Variants in PDE12 observed in about 807,000 individuals in gnomAD.
PDE12 encodes the protein 2',5'-phosphodiesterase 12.
Under a neutral mutation model 45.4 loss-of-function variants are expected in PDE12, and 26 were observed. The observed-to-expected ratio is 0.57, with a 90% CI of 0.42 to 0.79. PDE12 has a LOEUF of 0.79. PDE12 is among the 30% of genes least tolerant of loss of function. The probability of loss-of-function intolerance (pLI) is 0.00; values close to 1 mark genes in which losing one functional copy is unlikely to be tolerated. For synonymous variants in PDE12, 283 were observed against 323.9 expected, an observed-to-expected ratio of 0.87 and a Z score of 1.36; for missense variants, 668 against 790.0, an observed-to-expected ratio of 0.85 and a Z score of 1.85.
At chr3:57,595,993 A>T in the PDE12 span, among the ~76,000 whole-genome samples, 1 of 151,830 alleles carries the variant, frequency 6.6e-6, no homozygotes, top group East Asian at 1.9e-4. Context: ...CTCCTCCGGT[A>T]GAAAACAAGC....
the PDE12 span, among the ~76,000 whole-genome samples, chr3:57,587,887 A>T: frequency 3.3e-5 from 5 of 152,206 alleles, no homozygotes; most frequent in African/African-American, 1.2e-4. Context: ...CAAAAATAAC[A>T]ATGCTGTATA....
the PDE12 span, among the ~76,000 whole-genome samples, chr3:57,575,002 AC>A: frequency 7.2e-5 from 11 of 152,088 alleles, no homozygotes; most frequent in African/African-American, 2.4e-4. Flanking sequence ...GGCATGCGCA[AC>A]CACACCTGGC....
chr3:57,618,425 T>A, the PDE12 span, among the ~76,000 whole-genome samples: 1 of 152,014 alleles, frequency 6.6e-6, no homozygotes, highest in African/African-American at 2.4e-5. Context: ...CTTTTTTGTT[T>A]GTTTGTTTGT....
At chr3:57,628,756 G>T in the PDE12 span, 1 of 1,551,278 alleles carries the variant, frequency 6.4e-7, no homozygotes, top group Non-Finnish European at 8.8e-7. Flanking sequence ...TCACATGAGA[G>T]GACAATGTCT....
chr3:57,588,988 G>A, the PDE12 span, among the ~76,000 whole-genome samples: 5 of 152,136 alleles, frequency 3.3e-5, no homozygotes, highest in Admixed American at 3.3e-4. Context: ...TGTAATCCCA[G>A]CTACTCGGGA....
At chr3:57,603,676 G>T in the PDE12 span, among the ~76,000 whole-genome samples, 1 of 149,930 alleles carries the variant, frequency 6.7e-6, no homozygotes, top group African/African-American at 2.5e-5. Flanking sequence ...AGGCTGGAGT[G>T]CAATGGCGCG....
chr3:57,636,145 TA>T, the PDE12 span, among the ~76,000 whole-genome samples: 1 of 152,194 alleles, frequency 6.6e-6, no homozygotes, highest in East Asian at 1.9e-4. Context: ...ATGGAGGAGT[TA>T]AAGGTATACA....
At chr3:57,558,877 A>G (rs1479590665) in intron 1 of PDE12, among the ~76,000 whole-genome samples, 1 of 152,046 alleles carries the variant, frequency 6.6e-6, no homozygotes, top group Non-Finnish European at 1.5e-5. Flanking sequence ...CTGCAGTCCT[A>G]GTTCATCAAG....
the PDE12 span, among the ~76,000 whole-genome samples, chr3:57,616,740 C>A: frequency 6.6e-6 from 1 of 152,098 alleles, no homozygotes; most frequent in Non-Finnish European, 1.5e-5. Context: ...AAATGACAAA[C>A]CAGCTGGGTG....
the PDE12 span, among the ~76,000 whole-genome samples, chr3:57,606,206 CA>C: frequency 1.3e-5 from 2 of 151,996 alleles, no homozygotes; most frequent in African/African-American, 4.8e-5. Context: ...AAGTTGAAAC[CA>C]GTGATAAAGA....
the PDE12 span, chr3:57,596,955 CG>C: frequency 9.0e-7 from 1 of 1,115,950 alleles, no homozygotes; most frequent in Non-Finnish European, 1.3e-6. Context: ...TTCCGACCCC[CG>C]ACCCGGCGCC....
At chr3:57,630,692 T>A in the PDE12 span, 1 of 1,605,200 alleles carries the variant, frequency 6.2e-7, no homozygotes, top group Non-Finnish European at 8.5e-7. Context: ...CACATGGGTG[T>A]AAAACAGGGA....
chr3:57,579,017 C>T, the PDE12 span, among the ~76,000 whole-genome samples: 4 of 152,026 alleles, frequency 2.6e-5, no homozygotes, highest in Admixed American at 1.3e-4. Flanking sequence ...AGTAACGAGG[C>T]TGGTTGAGGT....
In PDE12 at chr3:57,560,981, T is replaced by G. The variant is rs970726623; in HGVS notation, c.*977T>G. 9.2e-6 allele frequency: 9 copies of G among 976,262 alleles called. No individual in the cohort carries two copies. The highest frequency in any genetic ancestry group is 1.1e-5 in the Non-Finnish European group (9 of 821,318). 60.5% of individuals were successfully genotyped at this position (976,262 alleles called of 1,614,324 possible). On this transcript the variant is annotated 3_prime_UTR_variant, in exon 3 of 3. Transcript: ENST00000311180. Reference sequence around the variant, plus strand: ...TTTTCAATGAACAAGTAAGGTATTTTCATTCTTATTTTTAGGATTTTAGTT... The same window carrying G: ...TTTTCAATGAACAAGTAAGGTATTTGCATTCTTATTTTTAGGATTTTAGTT...
At chr3:57,621,158 C>T in the PDE12 span, among the ~76,000 whole-genome samples, 7 of 152,174 alleles carry the variant, frequency 4.6e-5, no homozygotes, top group Admixed American at 2.6e-4. Flanking sequence ...AAAAATAAAC[C>T]CACATATATA....
Position 57,561,050 on chromosome 3 carries a change from T to C in PDE12, c.*1046T>C, listed in dbSNP as rs2069723287. 1.0e-6 allele frequency: 1 copy of C among 976,930 alleles called. No homozygotes were observed. Among genetic ancestry groups the C allele is most frequent in the Non-Finnish European group, 1.2e-6 (1 of 821,922 alleles). 60.5% of individuals were successfully genotyped at this position (976,930 alleles called of 1,614,324 possible). On this transcript the variant is annotated 3_prime_UTR_variant, in exon 3 of 3. Transcript: ENST00000311180. The stretch of plus-strand genomic sequence containing the variant: ...TGAACACAGTTTATATTCTAATTCT[T>C]ACTGCAGCTCATTTTAATTTTTAGG...
the PDE12 span, among the ~76,000 whole-genome samples, chr3:57,583,695 G>A: frequency 1.2e-3 from 176 of 151,988 alleles, no homozygotes; most frequent in Non-Finnish European, 2.1e-3. Context: ...AACACTTACC[G>A]CAATTGCTTT....
chr3:57,647,281 C>T, the PDE12 span, among the ~76,000 whole-genome samples: 1 of 152,028 alleles, frequency 6.6e-6, no homozygotes, highest in Non-Finnish European at 1.5e-5. Flanking sequence ...AAGATAAGTG[C>T]CACAAAAGAA....
chr3:57,573,763 G>A, the PDE12 span, among the ~76,000 whole-genome samples: 1 of 152,028 alleles, frequency 6.6e-6, no homozygotes, highest in Non-Finnish European at 1.5e-5. Context: ...TGTAATTTTA[G>A]TAGAGACAGA....
Sources: gnomAD v4.1 joint callset for allele counts (sites outside exome capture counted in the v4.1 genomes callset) on GRCh38, gnomAD v4.1.1 for gene constraint, MANE v1.5 for transcripts, NCBI Gene and HGNC (gene_info 2026-07-23, HGNC 2026-07-21) for gene names.